MNDA: variants seen among roughly 807,000 people sequenced by gnomAD.
The protein encoded by MNDA is epididymis secretory sperm binding protein.
MNDA carries 43 observed loss-of-function variants against 37.8 expected under a neutral mutation model. The ratio of observed to expected loss-of-function variants is 1.14; its 90% CI spans 0.89 to 1.47. The LOEUF (loss-of-function observed/expected upper bound fraction) is 1.47. Among genes scored for constraint, MNDA ranks in the 40% most tolerant of loss-of-function variants. MNDA has a pLI of 0.00. For synonymous variants in MNDA, 181 were observed against 169.0 expected (o/e 1.07, Z -0.55); for missense variants, 536 against 476.0 (o/e 1.13, Z -1.17).
At chr1:158,843,699 C>T (rs1474437785) in intron 3 of MNDA, among the ~76,000 whole-genome samples, 1 of 152,190 alleles carries the variant, frequency 6.6e-6, no homozygotes, top group Non-Finnish European at 1.5e-5. Context: ...AAGTCCAGTG[C>T]TCTTCTCATC....
chr1:158,836,957 G>A (rs11265084), intron 1 of MNDA, among the ~76,000 whole-genome samples: 4,019 of 151,602 alleles, frequency 0.027, 183 homozygotes, highest in African/African-American at 0.09. Flanking sequence ...GTGATTCTTT[G>A]TACATGTTTC....
At chr1:158,834,227 A>T (rs1571650160) in intron 1 of MNDA, among the ~76,000 whole-genome samples, 2 of 141,540 alleles carry the variant, frequency 1.4e-5, no homozygotes, top group East Asian at 2.0e-4. Flanking sequence ...CAAGTCCTTT[A>T]TCAATTTTTT....
chr1:158,833,424 C>A (rs989051326), intron 1 of MNDA, among the ~76,000 whole-genome samples: 1 of 152,210 alleles, frequency 6.6e-6, no homozygotes, highest in African/African-American at 2.4e-5. Context: ...CAACCAACCT[C>A]CAGAACGCCT....
At chr1:158,847,968 C>T (rs1162712843) in intron 6 of MNDA, 52 bp downstream of exon 6, 1 of 1,561,252 alleles carries the variant, frequency 6.4e-7, no homozygotes, top group African/African-American at 1.4e-5. Flanking sequence ...AATAATTTTG[C>T]TTAGGCTTTG....
At chr1:158,842,698 G>C in intron 2 of MNDA, 2 of 244,826 alleles carry the variant, frequency 8.2e-6, no homozygotes. Flanking sequence ...AAAAATGTCA[G>C]AAAATGAAAA....
intron 1 of MNDA, among the ~76,000 whole-genome samples, chr1:158,838,458 T>G (rs540705928): frequency 1.5e-4 from 23 of 152,098 alleles, no homozygotes; most frequent in Non-Finnish European, 2.9e-5. Context: ...ATAATCCTAT[T>G]GAAGATTTCT....
At chr1:158,838,192 G>A (rs1039666289) in intron 1 of MNDA, among the ~76,000 whole-genome samples, 2 of 151,834 alleles carry the variant, frequency 1.3e-5, no homozygotes, top group Non-Finnish European at 2.9e-5. Context: ...TTACATTTTT[G>A]TATGAGTTTG....
Position 158,845,872 on chromosome 1 carries a change from G to C in MNDA, c.856G>C (p.Val286Leu), listed in dbSNP as rs1056771. ...GVMEIKEASS[V>L]SDFNQNFEVP... is the part of the protein sequence containing the mutation. ...AATGGAAATAAAGGAAGCATCATCT[G>C]TGTCTGACTTTAATCAAAATTTTGA... The change falls in exon 5 of 7, where the codon GTG (valine) becomes CTG (leucine). Residue 286 changes from valine to leucine, a missense_variant. Physicochemically the swap from Val to Leu is conservative, Grantham distance 32. Coordinates refer to ENST00000368141, the MANE Select transcript of MNDA (RefSeq NM_002432.3). 5 of 1,614,180 alleles carry C rather than the reference G, an allele frequency of 3.1e-6. No homozygotes were observed. Among genetic ancestry groups the C allele is most frequent in the Non-Finnish European group, 3.4e-6 (4 of 1,180,016 alleles).
At position 158,846,056 on chromosome 1, in the gene MNDA, T is replaced by C. The variant is rs532666243; in HGVS notation, c.987+53T>C. The C allele has an allele frequency of 4.1e-6, 6 of 1,466,982 alleles. No homozygotes were observed. The African/African-American group carries it at 8.5e-5, about 21-fold the overall frequency. The allele number at this position is 1,466,982 out of a possible 1,614,324, so 90.9% of individuals were successfully genotyped here. A position where few individuals can be genotyped will look rare whatever the true frequency, so the allele number is the denominator to read the frequency against. ...CTCTACCATTACCTGGAAATAAATG[T>C]CTTAATTTGCCAGACTTACTGTCTG... On this transcript the variant is annotated intron_variant, in intron 5 of 6. Transcript: ENST00000368141.
intron 5 of MNDA, among the ~76,000 whole-genome samples, chr1:158,846,393 T>C (rs574352701): frequency 6.6e-6 from 1 of 152,270 alleles, no homozygotes; most frequent in Non-Finnish European, 1.5e-5. Context: ...GCTACCAAGG[T>C]TGAATTCTGG....
In MNDA at chr1:158,833,967, A is replaced by G. The variant is rs1262656863; in HGVS notation, c.-21+2410A>G. ...TCTGAACCATTTTACATTCCTACCAATGATGTACAAGGTTTCCCTTTTTTA... is the reference window on the plus strand; with the variant it reads ...TCTGAACCATTTTACATTCCTACCAGTGATGTACAAGGTTTCCCTTTTTTA... On this transcript the variant is annotated intron_variant, in intron 1 of 6. Coordinates refer to ENST00000368141, the MANE Select transcript of MNDA (RefSeq NM_002432.3). Among the ~76,000 whole-genome samples, 4 of 152,232 alleles carry G rather than the reference A, an allele frequency of 2.6e-5. No homozygotes were observed. The East Asian group carries it at 5.8e-4, about 22-fold the overall frequency.
chr1:158,841,906 C>T lies in MNDA; in HGVS notation c.-20-228C>T, dbSNP rs1659035258. On this transcript the variant is annotated intron_variant, in intron 1 of 6. Coordinates refer to ENST00000368141, the MANE Select transcript of MNDA (RefSeq NM_002432.3). ...CCAAACATCATTTCACCACATACAC[C>T]TCTGTCCCAACTTATCAACATTAAA... Among the ~76,000 whole-genome samples, 4 of 152,278 alleles carry T rather than the reference C, an allele frequency of 2.6e-5. No individual in the cohort carries two copies. The South Asian group carries it at 8.3e-4, about 32-fold the overall frequency.
At position 158,838,472 on chromosome 1, in the gene MNDA, A is replaced by G. The variant is rs114279681; in HGVS notation, c.-20-3662A>G. ...CATAATCCTATTGAAGATTTCTTGGATATAATGAGTTGCCTTTTTCTTGCG... is the reference window on the plus strand; with the variant it reads ...CATAATCCTATTGAAGATTTCTTGGGTATAATGAGTTGCCTTTTTCTTGCG... On this transcript the variant is annotated intron_variant, in intron 1 of 6. Coordinates refer to ENST00000368141, the MANE Select transcript of MNDA (RefSeq NM_002432.3). 5.4e-3 allele frequency among the ~76,000 whole-genome samples: 823 copies of G among 152,206 alleles called. 12 individuals are homozygous for G. The highest frequency in any genetic ancestry group is 0.019 in the African/African-American group (786 of 41,534).
At chr1:158,834,784 T>C (rs1658874668) in intron 1 of MNDA, among the ~76,000 whole-genome samples, 1 of 152,236 alleles carries the variant, frequency 6.6e-6, no homozygotes, top group South Asian at 2.1e-4. Flanking sequence ...TTTGATATAC[T>C]TTGAGTTACA....
chr1:158,838,994 G>A (rs1296605250), intron 1 of MNDA, among the ~76,000 whole-genome samples: 1 of 151,830 alleles, frequency 6.6e-6, no homozygotes, highest in South Asian at 2.1e-4. Flanking sequence ...TTATTTAGTT[G>A]TCTCTACCTA....
intron 1 of MNDA, among the ~76,000 whole-genome samples, chr1:158,841,887 A>G (rs2102049265): frequency 6.6e-6 from 1 of 152,358 alleles, no homozygotes; most frequent in Non-Finnish European, 1.5e-5. Context: ...GTTTCCAAAC[A>G]TCATTTCACC....
chr1:158,842,343 A>G lies in MNDA; in HGVS notation c.190A>G (p.Lys64Glu). 6.2e-7 allele frequency: 1 copy of G among 1,614,162 alleles called. No homozygotes were observed. Among genetic ancestry groups the G allele is most frequent in the Non-Finnish European group, 8.5e-7 (1 of 1,180,010 alleles). The change falls in exon 2 of 7, where the codon AAA becomes GAA. Residue 64 changes from lysine (K) to glutamate (E), a missense_variant. Physicochemically the swap from Lys to Glu is moderately conservative, Grantham distance 56. Coordinates refer to ENST00000368141, the MANE Select transcript of MNDA (RefSeq NM_002432.3). ...GTTCCAAGGCGTTGCCTGTCTAGAC[A>G]AACTAATAGAACTTGCCAAAGATAT... ...KKFQGVACLD[K>E]LIELAKDMPS...
intron 1 of MNDA, among the ~76,000 whole-genome samples, chr1:158,841,024 T>C (rs1243490135): frequency 6.6e-6 from 1 of 152,108 alleles, no homozygotes; most frequent in African/African-American, 2.4e-5. Context: ...CCTTAGGTAG[T>C]ACACAAGGGG....
intron 1 of MNDA, among the ~76,000 whole-genome samples, chr1:158,832,802 G>T (rs1483027229): frequency 6.6e-6 from 1 of 151,742 alleles, no homozygotes; most frequent in African/African-American, 2.4e-5. Context: ...TGCTTTATTT[G>T]TACTTTGTCA....
Sources: gnomAD v4.1 joint callset for allele counts (sites outside exome capture counted in the v4.1 genomes callset) on GRCh38, gnomAD v4.1.1 for gene constraint, MANE v1.5 for transcripts, NCBI Gene and HGNC (gene_info 2026-07-23, HGNC 2026-07-21) for gene names.